SEMA5B: variants seen among roughly 807,000 people sequenced by gnomAD.
SEMA5B encodes semaphorin-5B.
SEMA5B carries 66 observed loss-of-function variants against 135.0 expected under a neutral mutation model. The observed-to-expected ratio is 0.49, with a 90% CI of 0.40 to 0.60. The LOEUF is 0.60. Among genes scored for constraint, SEMA5B ranks in the 20% least tolerant of loss-of-function variants. The pLI, the probability that SEMA5B is intolerant of heterozygous loss-of-function variation, is 0.00. For synonymous variants in SEMA5B, 690 were observed against 639.5 expected, an observed-to-expected ratio of 1.08 and a Z score of -1.19; for missense variants, 1,501 against 1,566.3, an observed-to-expected ratio of 0.96 and a Z score of 0.70.
At chr3:122,958,875 A>G in intron 2 of SEMA5B, among the ~76,000 whole-genome samples, 1 of 152,044 alleles carries the variant, frequency 6.6e-6, no homozygotes, top group East Asian at 1.9e-4. Context: ...TCTCTTCCAT[A>G]TATTCCTAGA....
intron 9 of SEMA5B, among the ~76,000 whole-genome samples, chr3:122,925,319 A>G (rs1409553096): frequency 6.6e-6 from 1 of 152,018 alleles, no homozygotes; most frequent in East Asian, 1.9e-4. Flanking sequence ...GAAGAAGAGT[A>G]GTCTTGGGCC....
chr3:123,017,664 T>C (rs2107816776), intron 1 of SEMA5B, among the ~76,000 whole-genome samples: 1 of 152,288 alleles, frequency 6.6e-6, no homozygotes, highest in East Asian at 1.9e-4. Context: ...TCCCAACATT[T>C]TGGGAGGACG....
At chr3:123,022,806 G>C (rs1942716551) in intron 1 of SEMA5B, among the ~76,000 whole-genome samples, 2 of 152,196 alleles carry the variant, frequency 1.3e-5, no homozygotes, top group Admixed American at 1.3e-4. Flanking sequence ...GAAGGGAAGG[G>C]AAGTATCATG....
chr3:122,943,992 G>A (rs1939677596), intron 3 of SEMA5B, among the ~76,000 whole-genome samples: 1 of 152,108 alleles, frequency 6.6e-6, no homozygotes, highest in Non-Finnish European at 1.5e-5. Context: ...TGCCCCTCGA[G>A]TCCTTTTCCC....
intron 1 of SEMA5B, among the ~76,000 whole-genome samples, chr3:123,026,564 C>A (rs2107856868): frequency 6.6e-6 from 1 of 152,194 alleles, no homozygotes; most frequent in South Asian, 2.1e-4. Flanking sequence ...TCTCGAGCCT[C>A]GCCTTCTTCC....
In SEMA5B at chr3:122,926,583, G is replaced by A; in HGVS notation, c.945C>T (p.Tyr315=). 6.2e-7 allele frequency: 1 copy of A among 1,614,120 alleles called. No homozygotes were observed. Residue 315 remains tyrosine (Y), a synonymous_variant, in exon 9 of 23, where the codon TAC becomes TAT. Coordinates refer to ENST00000357599, the MANE Select transcript of SEMA5B (RefSeq NM_001031702.4). Reference sequence around the variant, plus strand: ...TCTTGCACACGCGGGCCACGCGAGAGTACACGGTGCGTCCACAGTCGTGCT... The same window carrying A: ...TCTTGCACACGCGGGCCACGCGAGAATACACGGTGCGTCCACAGTCGTGCT... ...AVEHDCGRTV[Y]SRVARVCKND...
intron 1 of SEMA5B, among the ~76,000 whole-genome samples, chr3:122,977,775 A>C (rs1003128758): frequency 6.6e-6 from 1 of 152,230 alleles, no homozygotes; most frequent in Non-Finnish European, 1.5e-5. Context: ...ATTAAAATGC[A>C]GGTCTCCAGG....
At chr3:122,916,955 G>C (rs956027859) in intron 12 of SEMA5B, among the ~76,000 whole-genome samples, 3 of 152,164 alleles carry the variant, frequency 2.0e-5, no homozygotes, top group African/African-American at 7.2e-5. Flanking sequence ...ATAGTCCAGA[G>C]CTTCTTTCTT....
chr3:122,992,996 C>A (rs1450072660), intron 1 of SEMA5B: 2 of 152,208 alleles, frequency 1.3e-5, no homozygotes, highest in Non-Finnish European at 2.9e-5. Context: ...TTCCAGATCC[C>A]TGAAAGGGGG....
At chr3:122,918,517 T>C (rs1405949624) in intron 12 of SEMA5B, among the ~76,000 whole-genome samples, 2 of 152,200 alleles carry the variant, frequency 1.3e-5, no homozygotes, top group Non-Finnish European at 2.9e-5. Context: ...TTTGTCAAGA[T>C]TCCCAAGCCA....
chr3:123,009,793 C>A (rs1004852042), intron 1 of SEMA5B, among the ~76,000 whole-genome samples: 1 of 152,194 alleles, frequency 6.6e-6, no homozygotes, highest in Non-Finnish European at 1.5e-5. Flanking sequence ...GAGGGGAAAA[C>A]TGGGATGTCT....
chr3:122,931,988 C>A (rs1163673430), intron 5 of SEMA5B, among the ~76,000 whole-genome samples: 1 of 152,212 alleles, frequency 6.6e-6, no homozygotes, highest in African/African-American at 2.4e-5. Flanking sequence ...CTGCACCTGG[C>A]TGAATGTGAC....
chr3:122,949,586 A>G (rs1446690103), intron 2 of SEMA5B, among the ~76,000 whole-genome samples: 4 of 152,254 alleles, frequency 2.6e-5, no homozygotes, highest in Admixed American at 6.5e-5. Context: ...TGGAGATCAG[A>G]TCTCCTTTAT....
rs1170353056 is a variant in SEMA5B at position 122,928,629 on chromosome 3, GA to G, written c.538-15del. On this transcript the variant is annotated splice_polypyrimidine_tract_variant and intron_variant, in intron 6 of 22. Transcript: ENST00000357599. ...CTGACACTCCTCCTGAGGCAGGAAG[GA>G]AAGGAGCAGACAGCACAGCTCTCCA... The G allele has an allele frequency of 6.5e-7, 1 of 1,542,380 alleles. No individual in the cohort carries two copies. Among genetic ancestry groups the G allele is most frequent in the Non-Finnish European group, 8.8e-7 (1 of 1,138,670 alleles).
In SEMA5B at chr3:122,943,440, C is replaced by A. The variant is rs1462694774; in HGVS notation, c.424G>T (p.Ala142Ser). The A allele has an allele frequency of 1.2e-6, 2 of 1,600,504 alleles. No individual in the cohort carries two copies. Among genetic ancestry groups the A allele is most frequent in the East Asian group, 4.5e-5 (2 of 44,444 alleles). Residue 142 changes from alanine to serine, a missense_variant, in exon 4 of 23, where the codon GCC becomes TCC. Physicochemically the swap from Ala to Ser is moderately conservative, Grantham distance 99 (BLOSUM62 1). Transcript: ENST00000357599. Reference sequence around the variant, plus strand: ...GACCCTTCTGCCCCTTGTTACCTGGCTCCCACGATGAGCTGGTTCCCGGAG... The same window carrying A: ...GACCCTTCTGCCCCTTGTTACCTGGATCCCACGATGAGCTGGTTCCCGGAG... The part of the protein sequence containing the change: ...DPSGNQLIVG[A>S]RNYLFRLSLA...
At chr3:123,015,002 G>A (rs1182577676) in intron 1 of SEMA5B, among the ~76,000 whole-genome samples, 1 of 152,156 alleles carries the variant, frequency 6.6e-6, no homozygotes, top group Non-Finnish European at 1.5e-5. Context: ...ACGCACACAG[G>A]GAGAACATGT....
At chr3:122,968,783 T>G (rs1257748005) in intron 1 of SEMA5B, among the ~76,000 whole-genome samples, 1 of 152,068 alleles carries the variant, frequency 6.6e-6, no homozygotes, top group Non-Finnish European at 1.5e-5. Flanking sequence ...TACCCATCAC[T>G]GTCAGGACAT....
At chr3:122,931,163 C>G (rs1019466051) in intron 5 of SEMA5B, among the ~76,000 whole-genome samples, 1 of 152,118 alleles carries the variant, frequency 6.6e-6, no homozygotes, top group African/African-American at 2.4e-5. Context: ...TAGCCCACCC[C>G]TTTTCCCAAG....
rs1937852584 is a variant in SEMA5B, at chr3:122,913,225, T to C, written c.2480A>G (p.Asp827Gly). 3 of 1,577,828 alleles carry C rather than the reference T, an allele frequency of 1.9e-6. No homozygotes were observed. The East Asian group carries it at 6.9e-5, about 37-fold the overall frequency. The change falls in exon 17 of 23, where the codon GAC (aspartate) becomes GGC (glycine). Residue 827 changes from aspartate to glycine, a missense_variant. Asp to Gly is a moderately conservative substitution (Grantham distance 94). This residue lies in a region of SEMA5B where 927 missense variants were observed against 881.6 expected (regional missense o/e 1.05). Transcript: ENST00000357599. ...GTCGGTGTCGCAGGAGCCGGAGCCG[T>C]CCGCGGGACAGGTCCTCGTCTCGGT... ...RRTETRTCPADGSGSCDTDAL... is the reference protein window; with the variant it reads ...RRTETRTCPAGGSGSCDTDAL...
Sources: gnomAD v4.1 joint callset for allele counts (sites outside exome capture counted in the v4.1 genomes callset) on GRCh38, gnomAD v4.1.1 for gene constraint, gnomAD v4.1.1 regional missense constraint, MANE v1.5 for transcripts, NCBI Gene and HGNC (gene_info 2026-07-23, HGNC 2026-07-21) for gene names.